LHFPL3: variants seen among roughly 807,000 people sequenced by gnomAD.
LHFPL3 encodes the protein LHFPL tetraspan subfamily member 3 protein.
A neutral mutation model predicts 19.3 loss-of-function variants in LHFPL3; 5 were observed. That is an observed-to-expected ratio of 0.26 (90% CI 0.14 to 0.54). LHFPL3 has a LOEUF of 0.54. LHFPL3 is among the 20% of genes least tolerant of loss of function. The probability of loss-of-function intolerance (pLI) is 0.94; values close to 1 mark genes in which losing one functional copy is unlikely to be tolerated. For synonymous variants in LHFPL3, 133 were observed against 126.2 expected, an observed-to-expected ratio of 1.05 and a Z score of -0.36; for missense variants, 249 against 307.4, an observed-to-expected ratio of 0.81 and a Z score of 1.42.
chr7:104,587,661 T>A (rs1790609053), intron 1 of LHFPL3, among the ~76,000 whole-genome samples: 1 of 152,018 alleles, frequency 6.6e-6, no homozygotes, highest in South Asian at 2.1e-4. Flanking sequence ...GGTCAAATGG[T>A]ATTTCTAGTT....
intron 1 of LHFPL3, among the ~76,000 whole-genome samples, chr7:104,359,341 G>A (rs182773201): frequency 1.3e-5 from 2 of 152,278 alleles, no homozygotes; most frequent in Admixed American, 6.5e-5. Context: ...CTTCACTTAT[G>A]TCACTTTACA....
chr7:104,666,269 T>C (rs1162068323), intron 1 of LHFPL3, among the ~76,000 whole-genome samples: 2 of 151,946 alleles, frequency 1.3e-5, no homozygotes. Flanking sequence ...TTATTCCTTC[T>C]ATCTAACTGT....
intron 2 of LHFPL3, among the ~76,000 whole-genome samples, chr7:104,813,251 C>T (rs561130285): frequency 6.8e-6 from 1 of 147,936 alleles, no homozygotes; most frequent in East Asian, 2.0e-4. Flanking sequence ...GCACTCCGGC[C>T]TGGGAAACAG....
chr7:104,811,648 CA>C (rs1334489931), intron 2 of LHFPL3, among the ~76,000 whole-genome samples: 2 of 152,212 alleles, frequency 1.3e-5, no homozygotes, highest in African/African-American at 4.8e-5. Flanking sequence ...CAGATGACAG[CA>C]TGTTGTTGCC....
chr7:104,638,763 C>CT (rs60096495), intron 1 of LHFPL3, among the ~76,000 whole-genome samples: 20,589 of 141,576 alleles, frequency 0.15, 1,698 homozygotes, highest in African/African-American at 0.22. Context: ...GGTGGGGTAG[C>CT]TTTTTTTTTT....
chr7:104,332,223 C>CTTTTTTTTTTTTTTT (rs1183733733), intron 1 of LHFPL3, among the ~76,000 whole-genome samples: 2 of 63,932 alleles, frequency 3.1e-5, no homozygotes, highest in Admixed American at 2.5e-4. Flanking sequence ...TATTTCTTTT[C>CTTTTTTTTTTTTTTT]TTTTTTTTTT....
At chr7:104,797,627 A>ACAT (rs1403441672) in intron 2 of LHFPL3, among the ~76,000 whole-genome samples, 1 of 152,010 alleles carries the variant, frequency 6.6e-6, no homozygotes, top group Non-Finnish European at 1.5e-5. Context: ...ACTATAGACA[A>ACAT]CATAGGCTAG....
At chr7:104,481,556 T>G (rs565388047) in intron 1 of LHFPL3, among the ~76,000 whole-genome samples, 1 of 152,132 alleles carries the variant, frequency 6.6e-6, no homozygotes, top group Admixed American at 6.5e-5. Flanking sequence ...GTGGTCTCCC[T>G]ATTGTTCATG....
In LHFPL3 at chr7:104,465,426, C is replaced by A. The variant is rs1192112548; in HGVS notation, c.445+136202C>A. Reference sequence around the variant, plus strand: ...TTTTACAGCAGCACCCCACTCTCTGCAGTACTGAATTTACTGTATTAGTCT... The same window carrying A: ...TTTTACAGCAGCACCCCACTCTCTGAAGTACTGAATTTACTGTATTAGTCT... On this transcript the variant is annotated intron_variant, in intron 1 of 2. Coordinates refer to ENST00000424859, the MANE Select transcript of LHFPL3 (RefSeq NM_199000.3). 3.3e-5 allele frequency among the ~76,000 whole-genome samples: 5 copies of A among 152,078 alleles called. No homozygotes were observed. In the East Asian group the frequency reaches 9.6e-4, roughly 29 times the overall value.
chr7:104,902,024 G>A (rs1013888404), intron 2 of LHFPL3, among the ~76,000 whole-genome samples: 1 of 151,962 alleles, frequency 6.6e-6, no homozygotes, highest in African/African-American at 2.4e-5. Context: ...TCAGCTCCCT[G>A]CCCACCACAG....
At chr7:104,635,093 T>C (rs1038757314) in intron 1 of LHFPL3, among the ~76,000 whole-genome samples, 10 of 152,170 alleles carry the variant, frequency 6.6e-5, no homozygotes, top group Non-Finnish European at 1.2e-4. Context: ...ACTTGGACAT[T>C]TAAAATTGTG....
intron 1 of LHFPL3, among the ~76,000 whole-genome samples, chr7:104,615,083 C>T (rs867809857): frequency 1.3e-5 from 2 of 152,010 alleles, no homozygotes; most frequent in Non-Finnish European, 2.9e-5. Flanking sequence ...TTGATTTTTC[C>T]CCTTGATAAG....
At chr7:104,683,307 C>T (rs942047382) in intron 1 of LHFPL3, among the ~76,000 whole-genome samples, 2 of 152,098 alleles carry the variant, frequency 1.3e-5, no homozygotes, top group Admixed American at 1.3e-4. Context: ...AATCTTGTAA[C>T]CTGTTGGTTT....
chr7:104,448,623 T>C (rs887026291), intron 1 of LHFPL3, among the ~76,000 whole-genome samples: 7 of 152,222 alleles, frequency 4.6e-5, no homozygotes, highest in African/African-American at 1.7e-4. Context: ...TACTATACTA[T>C]ATGAAAACTG....
At chr7:104,582,447 GC>G (rs1790477946) in intron 1 of LHFPL3, among the ~76,000 whole-genome samples, 2 of 151,618 alleles carry the variant, frequency 1.3e-5, no homozygotes, top group Admixed American at 1.3e-4. Flanking sequence ...CAATCTCTTT[GC>G]CTTTTATTTA....
chr7:104,382,182 C>T (rs550255607), intron 1 of LHFPL3, among the ~76,000 whole-genome samples: 9 of 152,314 alleles, frequency 5.9e-5, no homozygotes, highest in Non-Finnish European at 1.2e-4. Context: ...TCTGGACCAG[C>T]AGTATCTGCA....
chr7:104,540,264 A>G (rs1408097609), intron 1 of LHFPL3, among the ~76,000 whole-genome samples: 2 of 152,318 alleles, frequency 1.3e-5, no homozygotes, highest in South Asian at 2.1e-4. Context: ...TATAATGTTG[A>G]GCATGAGATA....
At chr7:104,713,261 T>A (rs1302444361) in intron 1 of LHFPL3, among the ~76,000 whole-genome samples, 1 of 152,226 alleles carries the variant, frequency 6.6e-6, no homozygotes, top group Non-Finnish European at 1.5e-5. Flanking sequence ...CATGTTGGAA[T>A]GTATACCACT....
chr7:104,531,696 T>C (rs1037073161), intron 1 of LHFPL3, among the ~76,000 whole-genome samples: 1 of 152,202 alleles, frequency 6.6e-6, no homozygotes, highest in African/African-American at 2.4e-5. Flanking sequence ...ATAGTGAGTA[T>C]GAACAGAGAG....
Sources: gnomAD v4.1 joint callset for allele counts (sites outside exome capture counted in the v4.1 genomes callset) on GRCh38, gnomAD v4.1.1 for gene constraint, MANE v1.5 for transcripts, NCBI Gene and HGNC (gene_info 2026-07-23, HGNC 2026-07-21) for gene names.